Variants in ITIH2 observed in about 807,000 individuals in gnomAD.
ITIH2 encodes the protein inter-alpha-trypsin inhibitor heavy chain 2.
ITIH2 carries 103 observed loss-of-function variants against 104.4 expected under a neutral mutation model. The ratio of observed to expected loss-of-function variants is 0.99; its 90% CI spans 0.84 to 1.16. The LOEUF (loss-of-function observed/expected upper bound fraction) is 1.16, where lower values mean the gene tolerates loss of function less well. ITIH2 is among the 50% of genes most tolerant of loss of function. The pLI is 0.00. For missense variants in ITIH2, 1,108 were observed against 1,162.4 expected (o/e 0.95, Z 0.68); for synonymous variants, 436 against 435.4 (o/e 1.00, Z -0.02).
chr10:7,707,766 T>A (rs749234026), intron 3 of ITIH2, among the ~76,000 whole-genome samples: 2 of 152,170 alleles, frequency 1.3e-5, no homozygotes, highest in Admixed American at 6.5e-5. Context: ...GGTTTCACCA[T>A]GTTGGCCAGG....
chr10:7,742,222 G>A (rs1479210919), intron 16 of ITIH2, among the ~76,000 whole-genome samples: 1 of 151,970 alleles, frequency 6.6e-6, no homozygotes. Context: ...TTTGTTGAAT[G>A]GTTAAATGGG....
intron 18 of ITIH2, among the ~76,000 whole-genome samples, 181 bp from the exon 19 acceptor site, chr10:7,744,610 C>A (rs117785197): frequency 6.6e-6 from 1 of 152,168 alleles, no homozygotes; most frequent in Non-Finnish European, 1.5e-5. Flanking sequence ...GTGTCCTCTG[C>A]GTAGAAGCTT....
chr10:7,716,735 C>CAAA (rs61703360), intron 5 of ITIH2, among the ~76,000 whole-genome samples: 30 of 58,736 alleles, frequency 5.1e-4, no homozygotes, highest in Admixed American at 1.0e-3. Context: ...GACCCCAGCT[C>CAAA]AAAAAAAAAA....
chr10:7,704,394 A>G (rs1434914744), intron 1 of ITIH2, among the ~76,000 whole-genome samples: 1 of 152,248 alleles, frequency 6.6e-6, no homozygotes, highest in Non-Finnish European at 1.5e-5. Context: ...CAAGACATCC[A>G]AATGTGTTTG....
Position 7,738,614 on chromosome 10 carries a change from T to C in ITIH2, c.1958-7T>C. The C allele has an allele frequency of 8.1e-6, 13 of 1,612,940 alleles. No homozygotes were observed. The highest frequency in any genetic ancestry group is 7.6e-6 in the Non-Finnish European group (9 of 1,179,422). Reference sequence around the variant, plus strand: ...AGAAACTAACAGATGCAGGTTTGTCTACGCAGGGGCCCTGTATTACGGCAG... The same window carrying C: ...AGAAACTAACAGATGCAGGTTTGTCCACGCAGGGGCCCTGTATTACGGCAG... On this transcript the variant is annotated splice_region_variant and splice_polypyrimidine_tract_variant and intron_variant, in intron 15 of 20. Transcript: ENST00000358415.
intron 12 of ITIH2, among the ~76,000 whole-genome samples, chr10:7,730,982 G>A (rs1464363416): frequency 3.3e-5 from 5 of 152,112 alleles, no homozygotes; most frequent in Non-Finnish European, 4.4e-5. Context: ...GCAGTGCTGC[G>A]ATCTCGGCTC....
rs1051153251 is a variant in ITIH2, at chr10:7,740,345, G to C, written c.2095+1587G>C. ...TACAACACTCCCGTCTCCTACCCCA[G>C]CTCCATAGGGAGTCCCACGAACCAT... On this transcript the variant is annotated intron_variant, in intron 16 of 20. Transcript: ENST00000358415. Among the ~76,000 whole-genome samples, 6 of 152,270 alleles carry C rather than the reference G, an allele frequency of 3.9e-5. No homozygotes were observed. The East Asian group carries it at 5.8e-4, about 15-fold the overall frequency.
intron 7 of ITIH2, 81 bp from the exon 8 acceptor site, chr10:7,721,568 C>T: frequency 1.5e-6 from 2 of 1,334,406 alleles, no homozygotes; most frequent in South Asian, 2.8e-5. Context: ...AGCTCCTCTT[C>T]CCTGTGTGCT....
rs993642948 is a variant in ITIH2, at chr10:7,734,857, G to A, written c.1788-65G>A. 2.8e-6 allele frequency: 4 copies of A among 1,424,606 alleles called. No individual in the cohort carries two copies. The Admixed American group carries it at 7.1e-5, about 25-fold the overall frequency. The allele number at this position is 1,424,606 out of a possible 1,614,324, so 88.2% of individuals were successfully genotyped here. A position where few individuals can be genotyped will look rare whatever the true frequency, so the allele number is the denominator to read the frequency against. The stretch of plus-strand genomic sequence containing the variant: ...AGCAGTGGTGGGGTGCAGGGTCAGG[G>A]AGCTGACTTGCGCTCCCCCTCCAAT... On this transcript the variant is annotated intron_variant, in intron 14 of 20. Coordinates refer to ENST00000358415, the MANE Select transcript of ITIH2 (RefSeq NM_002216.3).
intron 6 of ITIH2, among the ~76,000 whole-genome samples, chr10:7,718,047 C>T (rs546928304): frequency 2.6e-5 from 4 of 152,242 alleles, no homozygotes; most frequent in African/African-American, 9.6e-5. Flanking sequence ...CAGCTTAACA[C>T]AACAGAAATT....
In ITIH2 at chr10:7,714,165, A is replaced by ATTTTTTTTTTTTTTTT. The variant is rs996413668; in HGVS notation, c.467+889_467+904dup. Among the ~76,000 whole-genome samples the ATTTTTTTTTTTTTTTT allele has an allele frequency of 8.3e-5, 7 of 84,030 alleles. 1 individual carries two copies. Among genetic ancestry groups the ATTTTTTTTTTTTTTTT allele is most frequent in the African/African-American group, 3.1e-4 (6 of 19,628 alleles). 55.1% of individuals were successfully genotyped at this position (84,030 alleles called of 152,430 possible). A position where few individuals can be genotyped will look rare whatever the true frequency, so the allele number is the denominator to read the frequency against. The stretch of plus-strand genomic sequence containing the variant: ...TCACTCCTTGCACTGCACACTCACT[A>ATTTTTTTTTTTTTTTT]TTTTTTTTTTTTTTTTTTTTTTTTG... On this transcript the variant is annotated intron_variant, in intron 5 of 20. Coordinates refer to ENST00000358415, the MANE Select transcript of ITIH2 (RefSeq NM_002216.3).
intron 20 of ITIH2, among the ~76,000 whole-genome samples, chr10:7,747,341 A>T (rs1835188502): frequency 6.6e-6 from 1 of 152,184 alleles, no homozygotes. Context: ...AGGATTCTTC[A>T]CGCCCACAAA....
At chr10:7,734,162 C>A (rs1835029460) in intron 14 of ITIH2, among the ~76,000 whole-genome samples, 1 of 152,072 alleles carries the variant, frequency 6.6e-6, no homozygotes, top group African/African-American at 2.4e-5. Context: ...TTTAACCAAA[C>A]CCATAGAATG....
intron 9 of ITIH2, among the ~76,000 whole-genome samples, chr10:7,724,009 A>G (rs1834930102): frequency 6.6e-6 from 1 of 152,220 alleles, no homozygotes; most frequent in Non-Finnish European, 1.5e-5. Context: ...GATTCAATAT[A>G]TACATATTAT....
Position 7,746,074 on chromosome 10 carries a change from A to ATT in ITIH2, c.2582-519_2582-518insTT, listed in dbSNP as rs1564308558. On this transcript the variant is annotated intron_variant, in intron 19 of 20. Coordinates refer to ENST00000358415, the MANE Select transcript of ITIH2 (RefSeq NM_002216.3). ...CGGCCCCAAATCTTAAATTTAAAAA[A>ATT]AAAAAAAAAAAAAAAAAAAAAAAAA... Among the ~76,000 whole-genome samples the ATT allele has an allele frequency of 4.9e-3, 195 of 39,776 alleles. 1 individual carries two copies. The highest frequency in any genetic ancestry group is 1.0e-2 in the African/African-American group (188 of 18,824). The allele number at this position is 39,776 out of a possible 152,430, so 26.1% of individuals were successfully genotyped here. A position where few individuals can be genotyped will look rare whatever the true frequency, so the allele number is the denominator to read the frequency against.
chr10:7,732,061 G>C, intron 13 of ITIH2, 65 bp downstream of exon 13: 1 of 1,284,798 alleles, frequency 7.8e-7, no homozygotes, highest in South Asian at 1.3e-5. Context: ...CCTCTTGAAT[G>C]TCAGCTCTGC....
At chr10:7,734,815 C>T (rs1835037097) in intron 14 of ITIH2, 107 bp from the exon 15 acceptor site, 3 of 919,198 alleles carry the variant, frequency 3.3e-6, no homozygotes, top group African/African-American at 1.6e-5. Context: ...CTCCGCCCCA[C>T]CCCCAGGTTG....
At chr10:7,748,333 G>A (rs1337812885) in intron 20 of ITIH2, among the ~76,000 whole-genome samples, 1 of 148,634 alleles carries the variant, frequency 6.7e-6, no homozygotes, top group Non-Finnish European at 1.5e-5. Flanking sequence ...GTTCATAACT[G>A]AAACTGAGCT....
chr10:7,713,248 C>T lies in ITIH2; in HGVS notation c.430C>T (p.Gln144Ter). 6.2e-7 allele frequency: 1 copy of T among 1,614,108 alleles called. No homozygotes were observed. Among genetic ancestry groups the T allele is most frequent in the South Asian group, 1.1e-5 (1 of 91,056 alleles). The change falls in exon 5 of 21, where the codon CAG (glutamine) becomes TAG (stop). Residue 144 changes from glutamine (Q) to a stop codon, truncating the protein, a stop_gained. Transcript: ENST00000358415. LOFTEE classifies it high-confidence loss of function. The stretch of plus-strand genomic sequence containing the variant: ...AACTGTGGGCCGAGCTCTTTATGCA[C>T]AGGCCAGAGCAAAAGGCAAGACGGC... ...EKTVGRALYA[Q>*]ARAKGKTAGL...
Sources: gnomAD v4.1 joint callset for allele counts (sites outside exome capture counted in the v4.1 genomes callset) on GRCh38, gnomAD v4.1.1 for gene constraint, MANE v1.5 for transcripts, NCBI Gene and HGNC (gene_info 2026-07-23, HGNC 2026-07-21) for gene names.